The following SUPT3H variants were observed in gnomAD, a reference collection of about 807,000 sequenced individuals.
The protein encoded by SUPT3H is SPT3 homolog, SAGA and STAGA complex component.
In SUPT3H, 44 loss-of-function variants were observed where a neutral mutation model predicts 44.3. The observed-to-expected ratio is 0.99, with a 90% CI of 0.78 to 1.28. SUPT3H has a LOEUF of 1.28. SUPT3H is among the 50% of genes most tolerant of loss of function. SUPT3H has a pLI of 0.00. For synonymous variants in SUPT3H, 124 were observed against 125.6 expected (o/e 0.99, Z 0.09); for missense variants, 380 against 387.1 (o/e 0.98, Z 0.15).
intron 2 of SUPT3H, among the ~76,000 whole-genome samples, chr6:45,222,683 A>G (rs541095633): frequency 6.6e-6 from 1 of 152,296 alleles, no homozygotes; most frequent in East Asian, 1.9e-4. Context: ...CACAGCAATT[A>G]TGCTCTTGGG....
At chr6:45,321,691 C>T in intron 2 of SUPT3H, 1 of 809,322 alleles carries the variant, frequency 1.2e-6, no homozygotes, top group Non-Finnish European at 2.0e-6. Flanking sequence ...CAGGTAAGCA[C>T]CAGATCTTTC....
chr6:44,838,141 T>C (rs1770264195), intron 10 of SUPT3H, among the ~76,000 whole-genome samples: 1 of 152,216 alleles, frequency 6.6e-6, no homozygotes, highest in African/African-American at 2.4e-5. Flanking sequence ...GTTAATAATA[T>C]CAATTACATT....
At chr6:45,257,439 G>A (rs1370932316) in intron 2 of SUPT3H, among the ~76,000 whole-genome samples, 2 of 152,122 alleles carry the variant, frequency 1.3e-5, no homozygotes, top group South Asian at 2.1e-4. Flanking sequence ...TTTTATCAGT[G>A]AGAAAACATT....
At chr6:45,374,988 C>T (rs568771565) in intron 1 of SUPT3H, among the ~76,000 whole-genome samples, 87 of 152,166 alleles carry the variant, frequency 5.7e-4, no homozygotes, top group Non-Finnish European at 9.0e-4. Flanking sequence ...GGGTGGAGCA[C>T]TTGAGATCAA....
At chr6:45,150,468 TAG>T (rs1052837109) in intron 2 of SUPT3H, among the ~76,000 whole-genome samples, 2 of 152,056 alleles carry the variant, frequency 1.3e-5, no homozygotes, top group Non-Finnish European at 2.9e-5. Flanking sequence ...CACAGCTGAG[TAG>T]AGAGACAACA....
intron 2 of SUPT3H, among the ~76,000 whole-genome samples, chr6:45,208,754 CAGTGGAAA>C (rs1216378801): frequency 1.3e-5 from 2 of 150,524 alleles, no homozygotes; most frequent in Non-Finnish European, 3.0e-5. Flanking sequence ...AAAAAATTCT[CAGTGGAAA>C]CAAAACAACC....
chr6:45,140,897 T>G (rs1805072380), intron 2 of SUPT3H, among the ~76,000 whole-genome samples: 1 of 152,162 alleles, frequency 6.6e-6, no homozygotes, highest in South Asian at 2.1e-4. Flanking sequence ...CAAAAGAATG[T>G]GAACAGCACG....
intron 2 of SUPT3H, among the ~76,000 whole-genome samples, chr6:45,296,737 T>TAAAAAAAAAAAA (rs1781302066): frequency 3.0e-4 from 1 of 3,374 alleles, no homozygotes; most frequent in Non-Finnish European, 6.0e-4. Flanking sequence ...AGACTCTGTC[T>TAAAAAAAAAAAA]CAAAAAAAAA....
At chr6:44,902,572 A>G (rs1010875365) in intron 10 of SUPT3H, among the ~76,000 whole-genome samples, 1 of 152,082 alleles carries the variant, frequency 6.6e-6, no homozygotes, top group Non-Finnish European at 1.5e-5. Context: ...GACTCCCACA[A>G]TAATAATGGG....
At chr6:45,223,586 T>A (rs561946230) in intron 2 of SUPT3H, among the ~76,000 whole-genome samples, 2 of 152,078 alleles carry the variant, frequency 1.3e-5, no homozygotes, top group East Asian at 3.9e-4. Context: ...TTATATTTAA[T>A]AATGAAATTT....
chr6:45,291,438 A>G (rs1780303398), intron 2 of SUPT3H, among the ~76,000 whole-genome samples: 1 of 152,208 alleles, frequency 6.6e-6, no homozygotes, highest in Non-Finnish European at 1.5e-5. Context: ...CAATGGAACC[A>G]AACCAAGAAG....
chr6:44,920,413 A>C (rs1407480534), intron 10 of SUPT3H, among the ~76,000 whole-genome samples: 2 of 152,012 alleles, frequency 1.3e-5, no homozygotes, highest in Non-Finnish European at 2.9e-5. Context: ...CTCTCCAAAA[A>C]GTTTTAAAAA....
At chr6:45,283,954 A>G (rs1056227435) in intron 2 of SUPT3H, among the ~76,000 whole-genome samples, 5 of 152,234 alleles carry the variant, frequency 3.3e-5, no homozygotes, top group Admixed American at 6.5e-5. Flanking sequence ...GCTCAATTAC[A>G]TGTAAACGGA....
intron 2 of SUPT3H, among the ~76,000 whole-genome samples, chr6:45,174,205 A>C (rs1322529343): frequency 6.6e-6 from 1 of 152,250 alleles, no homozygotes; most frequent in African/African-American, 2.4e-5. Context: ...TTAAGAGTCA[A>C]CAGTTTTAAT....
At chr6:44,826,290 T>C (rs1487755328), downstream of SUPT3H, among the ~76,000 whole-genome samples, 5 of 152,222 alleles carry the variant, frequency 3.3e-5, no homozygotes, top group Non-Finnish European at 7.3e-5. Context: ...TAGAGTTCCC[T>C]GCTCTCTTCT....
intron 2 of SUPT3H, among the ~76,000 whole-genome samples, chr6:45,217,047 T>C (rs1218476708): frequency 6.6e-6 from 1 of 152,208 alleles, no homozygotes; most frequent in Non-Finnish European, 1.5e-5. Flanking sequence ...CTATTCTAAT[T>C]TGATCATTAC....
chr6:45,128,414 G>A (rs1367252698), intron 2 of SUPT3H, among the ~76,000 whole-genome samples: 1 of 144,806 alleles, frequency 6.9e-6, no homozygotes, highest in African/African-American at 2.6e-5. Flanking sequence ...CTGAGGCAGG[G>A]GAATCGCTTG....
intron 3 of SUPT3H, among the ~76,000 whole-genome samples, chr6:45,078,122 C>T (rs1171610047): frequency 1.3e-5 from 2 of 152,202 alleles, no homozygotes; most frequent in African/African-American, 2.4e-5. Flanking sequence ...ATCTGCCCGC[C>T]TTGGCCTCCC....
chr6:44,949,838 A>T (rs1235136215), intron 9 of SUPT3H, among the ~76,000 whole-genome samples: 1 of 152,194 alleles, frequency 6.6e-6, no homozygotes, highest in Non-Finnish European at 1.5e-5. Flanking sequence ...CTGTTGGTGG[A>T]AGTATAAAAT....
Sources: gnomAD v4.1 joint callset for allele counts (sites outside exome capture counted in the v4.1 genomes callset) on GRCh38, gnomAD v4.1.1 for gene constraint, MANE v1.5 for transcripts, NCBI Gene and HGNC (gene_info 2026-07-23, HGNC 2026-07-21) for gene names.